The following PIR variants were observed in gnomAD, a reference collection of about 807,000 sequenced individuals.
PIR encodes the protein pirin.
Under a neutral mutation model 24.2 loss-of-function variants are expected in PIR, and 22 were observed. That is an observed-to-expected ratio of 0.91 (90% CI 0.65 to 1.30). PIR has a LOEUF of 1.30. Among genes scored for constraint, PIR ranks in the 50% most tolerant of loss-of-function variants. The pLI is 0.00. For missense variants in PIR, 220 were observed against 220.3 expected, an observed-to-expected ratio of 1.00 and a Z score of 0.01; for synonymous variants, 80 against 79.6, an observed-to-expected ratio of 1.00 and a Z score of -0.03.
chrX:15,398,109 AG>A (rs1476703828), intron 7 of PIR, among the ~76,000 whole-genome samples: 2 of 97,861 alleles, frequency 2.0e-5, no homozygotes, highest in Admixed American at 1.1e-4. Context: ...GGGTGGGGGT[AG>A]GGGGGAGGGA....
intron 3 of PIR, among the ~76,000 whole-genome samples, chrX:15,459,974 A>T (rs1320425161): frequency 9.0e-6 from 1 of 110,677 alleles, no homozygotes; most frequent in Non-Finnish European, 1.9e-5. Context: ...GAAGACATAC[A>T]AATGGCCAAC....
intron 2 of PIR, among the ~76,000 whole-genome samples, chrX:15,485,539 C>T (rs1462412196): frequency 8.9e-6 from 1 of 111,895 alleles, no homozygotes; most frequent in Non-Finnish European, 1.9e-5. Flanking sequence ...ATTTATTGCC[C>T]ATTTGATCCT....
intron 5 of PIR, among the ~76,000 whole-genome samples, chrX:15,448,611 G>A (rs763049191): frequency 3.6e-5 from 4 of 111,985 alleles, no homozygotes; most frequent in African/African-American, 1.3e-4. Flanking sequence ...AGACAAACTT[G>A]GGTTTTTCTC....
chrX:15,427,782 C>G (rs1361649787), intron 5 of PIR, among the ~76,000 whole-genome samples: 2 of 109,115 alleles, frequency 1.8e-5, no homozygotes, highest in African/African-American at 6.7e-5. Flanking sequence ...TATTACTATA[C>G]ATGGGATTTT....
chrX:15,441,963 A>G (rs1030542348), intron 5 of PIR, among the ~76,000 whole-genome samples: 7 of 110,945 alleles, frequency 6.3e-5, no homozygotes, highest in Non-Finnish European at 9.4e-5. Context: ...TATCTGGCCA[A>G]CTCCTCAGTC....
At chrX:15,419,963 G>A (rs765036491) in intron 6 of PIR, among the ~76,000 whole-genome samples, 3 of 109,754 alleles carry the variant, frequency 2.7e-5, no homozygotes, top group Non-Finnish European at 3.8e-5. Flanking sequence ...TTGGGAGGCC[G>A]AGGTGGGCGG....
intron 2 of PIR, among the ~76,000 whole-genome samples, chrX:15,483,174 T>TATATATATATATATATATATAG (rs955424390): frequency 0.17 from 16,237 of 97,956 alleles, 1,332 homozygotes; most frequent in Non-Finnish European, 0.2. Flanking sequence ...CATATATATA[T>TATATATATATATATATATATAG]AAATTCAACA....
intron 2 of PIR, among the ~76,000 whole-genome samples, chrX:15,483,051 T>C (rs188538433): frequency 2.9e-3 from 316 of 109,736 alleles, no homozygotes; most frequent in African/African-American, 9.7e-3. Flanking sequence ...ATGTCTACTC[T>C]GTCATATTAC....
At chrX:15,488,910 T>C (rs367611712) in intron 2 of PIR, among the ~76,000 whole-genome samples, 7 of 102,593 alleles carry the variant, frequency 6.8e-5, no homozygotes, top group African/African-American at 2.8e-4. Flanking sequence ...AATTTTTTTG[T>C]TTTTTTTTTA....
rs185062104 is a variant in PIR, at chrX:15,463,430, C to T, written c.190-3690G>A. Among the ~76,000 whole-genome samples, 20 of 112,121 alleles carry T rather than the reference C, an allele frequency of 1.8e-4. No homozygotes were observed. In the Admixed American group the frequency reaches 1.9e-3, roughly 11 times the overall value. ...TATTGCAGATTTATAATAAACTCTC[C>T]TCTTCCTGAGCTAACTTTATTGGAT... On this transcript the variant is annotated intron_variant, in intron 3 of 9. Transcript: ENST00000380420.
At chrX:15,430,412 T>C (rs972531256) in intron 5 of PIR, among the ~76,000 whole-genome samples, 13 of 112,126 alleles carry the variant, frequency 1.2e-4, no homozygotes, top group African/African-American at 3.6e-4. Flanking sequence ...TCAAATATTA[T>C]GCAGGGAATA....
intron 8 of PIR, among the ~76,000 whole-genome samples, chrX:15,394,517 G>C (rs1346459227): frequency 9.0e-6 from 1 of 111,625 alleles, no homozygotes; most frequent in African/African-American, 3.3e-5. Context: ...TCCACTACGG[G>C]TGAGTTTGCT....
chrX:15,398,669 G>GGGGTGTGT (rs1555952786), intron 7 of PIR, among the ~76,000 whole-genome samples: 8 of 76,112 alleles, frequency 1.1e-4, no homozygotes, highest in Admixed American at 3.2e-4. Flanking sequence ...GAGGAGGGAG[G>GGGGTGTGT]GTGTGTGTGT....
intron 5 of PIR, among the ~76,000 whole-genome samples, chrX:15,444,105 C>T (rs1263641925): frequency 1.8e-5 from 2 of 111,974 alleles, no homozygotes; most frequent in Non-Finnish European, 1.9e-5. Context: ...AAAATATAAT[C>T]GAACAGCATT....
chrX:15,390,228 G>C lies in PIR; in HGVS notation c.717C>G (p.Val239=), dbSNP rs766142916. Residue 239 remains valine (V), a synonymous_variant, in exon 9 of 10, where the codon GTC becomes GTG. Coordinates refer to ENST00000380420, the MANE Select transcript of PIR (RefSeq NM_001018109.3). ...CTCTTAATGGCTCCCCAGCAATTAA[G>C]ACAAAGTGGCTTCTCTTGGGATCCT... ...ENKDPKRSHF[V]LIAGEPLREP... The C allele has an allele frequency of 6.1e-6, 7 of 1,149,253 alleles. No individual in the cohort carries two copies. Among genetic ancestry groups the C allele is most frequent in the Non-Finnish European group, 8.2e-6 (7 of 849,994 alleles). 94.7% of individuals were successfully genotyped at this position (1,149,253 alleles called of 1,213,427 possible). A position where few individuals can be genotyped will look rare whatever the true frequency, so the allele number is the denominator to read the frequency against.
At chrX:15,472,425 T>A (rs888091664) in intron 3 of PIR, among the ~76,000 whole-genome samples, 2 of 111,882 alleles carry the variant, frequency 1.8e-5, no homozygotes, top group Non-Finnish European at 3.8e-5. Context: ...CACCAATGGA[T>A]GACCGGATAA....
intron 6 of PIR, among the ~76,000 whole-genome samples, chrX:15,416,184 A>G (rs1376668078): frequency 8.9e-6 from 1 of 112,049 alleles, no homozygotes; most frequent in Non-Finnish European, 1.9e-5. Context: ...ATTTACATCC[A>G]TAACTGTTAT....
rs888022651 is a variant in PIR, at chrX:15,485,155, C to G, written c.97-5334G>C. Among the ~76,000 whole-genome samples, 8 of 112,317 alleles carry G rather than the reference C, an allele frequency of 7.1e-5. No individual in the cohort carries two copies. In the Admixed American group the frequency reaches 7.5e-4, roughly 11 times the overall value. The stretch of plus-strand genomic sequence containing the variant: ...TTCAGTGCCAATTTTCTGTCTTAGT[C>G]TGTTTGAGTTGCTATAACATAATAC... On this transcript the variant is annotated intron_variant, in intron 2 of 9. Transcript: ENST00000380420.
chrX:15,397,606 A>G, intron 7 of PIR, 75 bp from the exon 8 acceptor site: 2 of 599,006 alleles, frequency 3.3e-6, no homozygotes, highest in Admixed American at 2.7e-5. Flanking sequence ...TTGGTTAACT[A>G]TATAGCACCA....
Sources: gnomAD v4.1 joint callset for allele counts (sites outside exome capture counted in the v4.1 genomes callset) on GRCh38, gnomAD v4.1.1 for gene constraint, MANE v1.5 for transcripts, NCBI Gene and HGNC (gene_info 2026-07-23, HGNC 2026-07-21) for gene names.